The following RGS22 variants were observed in gnomAD, a reference collection of about 807,000 sequenced individuals.
RGS22 encodes regulator of G-protein signaling 22.
A neutral mutation model predicts 172.9 loss-of-function variants in RGS22; 148 were observed. The observed-to-expected ratio is 0.86, with a 90% CI of 0.75 to 0.98. RGS22 has a LOEUF of 0.98. Among genes scored for constraint, RGS22 ranks in the 50% least tolerant of loss-of-function variants. RGS22 has a pLI of 0.00. For synonymous variants in RGS22, 458 were observed against 480.2 expected, an observed-to-expected ratio of 0.95 and a Z score of 0.60; for missense variants, 1,347 against 1,440.8, an observed-to-expected ratio of 0.93 and a Z score of 1.05.
At chr8:99,999,641 GCTTA>G (rs1475336584) in intron 18 of RGS22, among the ~76,000 whole-genome samples, 1 of 152,116 alleles carries the variant, frequency 6.6e-6, no homozygotes, top group Non-Finnish European at 1.5e-5. Context: ...TATGATTTGT[GCTTA>G]CTTATGATAT....
At chr8:99,996,158 G>A (rs1358038372) in intron 20 of RGS22, among the ~76,000 whole-genome samples, 2 of 152,128 alleles carry the variant, frequency 1.3e-5, no homozygotes, top group African/African-American at 2.4e-5. Flanking sequence ...AATAACTAAT[G>A]TAAATGATGA....
intron 20 of RGS22, 95 bp downstream of exon 20, chr8:99,996,367 C>A: frequency 1.0e-6 from 1 of 980,846 alleles, no homozygotes; most frequent in Non-Finnish European, 1.6e-6. Context: ...AACAGTGTGT[C>A]CTCAGTGAGG....
chr8:100,007,202 G>A (rs796660533), intron 15 of RGS22, among the ~76,000 whole-genome samples: 6 of 152,224 alleles, frequency 3.9e-5, no homozygotes, highest in Admixed American at 6.5e-5. Flanking sequence ...TTTGTATGAC[G>A]ATCTAAGAAG....
At chr8:100,039,635 C>T (rs1023846899) in intron 13 of RGS22, among the ~76,000 whole-genome samples, 7 of 152,008 alleles carry the variant, frequency 4.6e-5, no homozygotes, top group Admixed American at 3.3e-4. Flanking sequence ...CTTGGCCTCC[C>T]GAAGTGCTGG....
chr8:100,005,990 G>GT lies in RGS22; in HGVS notation c.2454+26dup, dbSNP rs148643322. 4.4e-3 allele frequency: 6,951 copies of GT among 1,592,120 alleles called. 232 individuals carry two copies. In the African/African-American group the frequency reaches 0.077, roughly 18 times the overall value. On this transcript the variant is annotated intron_variant, in intron 16 of 27. Coordinates refer to ENST00000360863, the MANE Select transcript of RGS22 (RefSeq NM_015668.5). ...TAACCCTCTCCAGGATAAAAAGTTT[G>GT]TTTTTCTAAGTAGAAAGTTGCCTTA...
At chr8:100,014,412 T>A (rs1333722564) in intron 14 of RGS22, among the ~76,000 whole-genome samples, 1 of 152,192 alleles carries the variant, frequency 6.6e-6, no homozygotes, top group Non-Finnish European at 1.5e-5. Context: ...TCTCTACAAG[T>A]CTCCATAGTC....
In RGS22 at chr8:100,097,834, C is replaced by G. The variant is rs558227839; in HGVS notation, c.55-4325G>C. Among the ~76,000 whole-genome samples, 353 of 152,310 alleles carry G rather than the reference C, an allele frequency of 2.3e-3. 2 individuals are homozygous for G. Among genetic ancestry groups the G allele is most frequent in the African/African-American group, 8.0e-3 (334 of 41,558 alleles). On this transcript the variant is annotated intron_variant, in intron 2 of 27. Coordinates refer to ENST00000360863, the MANE Select transcript of RGS22 (RefSeq NM_015668.5). ...CTTTCCTATTCCTTCTTATCCACACCACCCTATGGGTCAGCCTTCCTAGCC... is the reference window on the plus strand; with the variant it reads ...CTTTCCTATTCCTTCTTATCCACACGACCCTATGGGTCAGCCTTCCTAGCC...
chr8:100,035,807 A>G (rs561276866), intron 14 of RGS22, among the ~76,000 whole-genome samples: 1 of 152,330 alleles, frequency 6.6e-6, no homozygotes, highest in African/African-American at 2.4e-5. Context: ...TGTCCTTTGC[A>G]GGGACATGAA....
chr8:100,024,330 T>C (rs1817943497), intron 14 of RGS22, among the ~76,000 whole-genome samples: 1 of 152,218 alleles, frequency 6.6e-6, no homozygotes, highest in Admixed American at 6.5e-5. Context: ...TGGGGGCTCA[T>C]TAAACTGTTT....
At chr8:100,031,080 G>A (rs1456693866) in intron 14 of RGS22, among the ~76,000 whole-genome samples, 4 of 152,062 alleles carry the variant, frequency 2.6e-5, no homozygotes, top group African/African-American at 9.7e-5. Flanking sequence ...TGTCAAAACT[G>A]TAAGGGTAAA....
chr8:100,064,002 T>C lies in RGS22; in HGVS notation c.766A>G (p.Lys256Glu), dbSNP rs1810356562. Residue 256 changes from lysine (K) to glutamate (E), a missense_variant, in exon 8 of 28, where the codon AAG (lysine) becomes GAG (glutamate). Physicochemically the swap from Lys to Glu is moderately conservative, Grantham distance 56 (BLOSUM62 1). Coordinates refer to ENST00000360863, the MANE Select transcript of RGS22 (RefSeq NM_015668.5). Reference sequence around the variant, plus strand: ...AATTTGTTGGTTTTAGATGGGTCCTTTTTTGTCCTAGGGTGAACTCCATCA... The same window carrying C: ...AATTTGTTGGTTTTAGATGGGTCCTCTTTTGTCCTAGGGTGAACTCCATCA... ...FDDGVHPRTKKDPSKTNKLIS... is the reference protein window; with the variant it reads ...FDDGVHPRTKEDPSKTNKLIS... The C allele has an allele frequency of 6.5e-7, 1 of 1,543,726 alleles. No individual in the cohort carries two copies. Among genetic ancestry groups the C allele is most frequent in the African/African-American group, 1.4e-5 (1 of 72,082 alleles).
In RGS22 at chr8:100,066,292, G is replaced by A; in HGVS notation, c.599C>T (p.Ser200Phe). The change falls in exon 7 of 28, where the codon TCC (serine) becomes TTC (phenylalanine). Residue 200 changes from serine to phenylalanine, a missense_variant. Transcript: ENST00000360863. ...AAACCAATCTTTTGTTTGAGTATAG[G>A]AAGCCTAGGAAGAAGGGAGCATATT... ...KKFYVSLGEA[S>F]YTQTKDWFAL... The A allele has an allele frequency of 3.7e-6, 6 of 1,612,584 alleles. No homozygotes were observed. The highest frequency in any genetic ancestry group is 5.1e-6 in the Non-Finnish European group (6 of 1,178,888).
At position 100,040,014 on chromosome 8, in the gene RGS22, T is replaced by G. The variant is rs1819935335; in HGVS notation, c.2012A>C (p.Glu671Ala). 1.9e-6 allele frequency: 3 copies of G among 1,608,440 alleles called. No homozygotes were observed. Among genetic ancestry groups the G allele is most frequent in the African/African-American group, 2.7e-5 (2 of 74,718 alleles). The change falls in exon 13 of 28, where the codon GAA becomes GCA. Residue 671 changes from glutamate to alanine, a missense_variant. Glu to Ala is a moderately radical substitution (Grantham distance 107, BLOSUM62 -1). Transcript: ENST00000360863. Reference protein sequence around the residue: ...MENLLQSLYVENRAGFFFTKF... With the variant: ...MENLLQSLYVANRAGFFFTKF... The stretch of plus-strand genomic sequence containing the variant: ...AGTAAAGAAGAATCCAGCTCTATTT[T>G]CTACATACAAAGATTGCAACAAATT...
chr8:100,047,962 T>C (rs1173414158), intron 10 of RGS22, among the ~76,000 whole-genome samples: 2 of 150,336 alleles, frequency 1.3e-5, no homozygotes, highest in Non-Finnish European at 3.0e-5. Flanking sequence ...GTGTGTGTAC[T>C]GGGGGGGGGT....
intron 14 of RGS22, among the ~76,000 whole-genome samples, chr8:100,011,187 G>C (rs1816346273): frequency 6.6e-6 from 1 of 152,136 alleles, no homozygotes; most frequent in Non-Finnish European, 1.5e-5. Context: ...GCATGAATAT[G>C]ATCTTTTATC....
intron 4 of RGS22, among the ~76,000 whole-genome samples, chr8:100,072,699 G>A (rs146065797): frequency 1.3e-5 from 2 of 152,080 alleles, no homozygotes; most frequent in African/African-American, 4.8e-5. Context: ...ATCTCCAGGC[G>A]CTCTCTTACT....
intron 2 of RGS22, among the ~76,000 whole-genome samples, chr8:100,098,794 G>A (rs1336814081): frequency 6.6e-6 from 1 of 151,620 alleles, no homozygotes; most frequent in Non-Finnish European, 1.5e-5. Context: ...GCTTGAGAAG[G>A]TGAAGGAAGC....
At chr8:100,063,348 C>T (rs1810291818) in intron 8 of RGS22, 68 bp downstream of exon 8, 3 of 1,203,574 alleles carry the variant, frequency 2.5e-6, no homozygotes, top group Non-Finnish European at 3.4e-6. Flanking sequence ...TCTCCCTGTG[C>T]TAAATAACCC....
intron 4 of RGS22, among the ~76,000 whole-genome samples, chr8:100,074,753 T>TG (rs1563703586): frequency 6.6e-6 from 1 of 151,712 alleles, no homozygotes; most frequent in African/African-American, 2.4e-5. Flanking sequence ...TTTTTTGTTT[T>TG]TTTTTTGTTT....
Sources: gnomAD v4.1 joint callset for allele counts (sites outside exome capture counted in the v4.1 genomes callset) on GRCh38, gnomAD v4.1.1 for gene constraint, MANE v1.5 for transcripts, NCBI Gene and HGNC (gene_info 2026-07-23, HGNC 2026-07-21) for gene names.